SHC4: variants seen among roughly 807,000 people sequenced by gnomAD.
SHC4 encodes the protein SHC-transforming protein 4.
A neutral mutation model predicts 69.4 loss-of-function variants in SHC4; 41 were observed. The observed-to-expected ratio is 0.59, with a 90% CI of 0.46 to 0.77. SHC4 has a LOEUF of 0.77. Ranked by LOEUF, SHC4 falls within the 30% of genes least tolerant of loss-of-function variation. The pLI is 0.00. For synonymous variants in SHC4, 318 were observed against 299.3 expected (o/e 1.06, Z -0.64); for missense variants, 777 against 783.8 (o/e 0.99, Z 0.10).
At chr15:48,890,043 G>A (rs1900107518) in intron 3 of SHC4, among the ~76,000 whole-genome samples, 1 of 152,234 alleles carries the variant, frequency 6.6e-6, no homozygotes, top group African/African-American at 2.4e-5. Flanking sequence ...GCCAGACGCT[G>A]TGGTAGATAG....
At chr15:48,923,053 G>C (rs773062169) in intron 2 of SHC4, among the ~76,000 whole-genome samples, 21 of 152,104 alleles carry the variant, frequency 1.4e-4, no homozygotes, top group Non-Finnish European at 2.9e-5. Context: ...TAGGTACCAA[G>C]AGTACAAAAA....
chr15:48,857,651 T>C (rs759373943), intron 7 of SHC4, 41 bp downstream of exon 7: 38 of 1,426,526 alleles, frequency 2.7e-5, no homozygotes, highest in African/African-American at 1.9e-4. Flanking sequence ...AATGCACACA[T>C]ATATATATAT....
intron 5 of SHC4, among the ~76,000 whole-genome samples, chr15:48,869,805 G>A (rs74516207): frequency 0.052 from 7,883 of 152,162 alleles, 378 homozygotes; most frequent in East Asian, 0.22. Flanking sequence ...CCATGGCACC[G>A]CCGCCAGATT....
At chr15:48,840,768 G>C (rs188182786) in intron 10 of SHC4, among the ~76,000 whole-genome samples, 4 of 152,182 alleles carry the variant, frequency 2.6e-5, no homozygotes, top group African/African-American at 9.6e-5. Flanking sequence ...ATTTATTTTG[G>C]AGGGAGCAAT....
chr15:48,878,297 T>C (rs1306756618), intron 4 of SHC4: 1 of 1,613,750 alleles, frequency 6.2e-7, no homozygotes, highest in Admixed American at 1.7e-5. Context: ...CCGGGAGCTA[T>C]CCCTGCGTCC....
chr15:48,901,201 G>A (rs1332620278), intron 2 of SHC4, among the ~76,000 whole-genome samples: 1 of 152,166 alleles, frequency 6.6e-6, no homozygotes, highest in East Asian at 1.9e-4. Flanking sequence ...GTAGCAGGTG[G>A]GATTTGGCCT....
At chr15:48,865,274 C>T (rs1899538114) in intron 6 of SHC4, among the ~76,000 whole-genome samples, 1 of 152,152 alleles carries the variant, frequency 6.6e-6, no homozygotes, top group South Asian at 2.1e-4. Context: ...AAAGATTTAG[C>T]ACTAGAGGAC....
At chr15:48,826,396 G>A (rs1005809768) in intron 11 of SHC4, among the ~76,000 whole-genome samples, 1 of 151,770 alleles carries the variant, frequency 6.6e-6, no homozygotes, top group Admixed American at 6.6e-5. Context: ...CTACAGGCAC[G>A]TGCCACCATG....
At position 48,856,299 on chromosome 15, in the gene SHC4, T is replaced by C. The variant is rs140709737; in HGVS notation, c.1071-175A>G. ...GGATGGGAGCAGTCAGATGGTTGAG[T>C]TGTTTAGCTTTCTGTAGACAAAACG... On this transcript the variant is annotated intron_variant, in intron 7 of 11. Coordinates refer to ENST00000332408, the MANE Select transcript of SHC4 (RefSeq NM_203349.4). Among the ~76,000 whole-genome samples, 747 of 152,264 alleles carry C rather than the reference T, an allele frequency of 4.9e-3. 5 individuals are homozygous for C. Among genetic ancestry groups the C allele is most frequent in the African/African-American group, 0.017 (713 of 41,552 alleles).
chr15:48,878,561 G>C lies in SHC4; in HGVS notation c.840+5687C>G, dbSNP rs1336241834. On this transcript the variant is annotated intron_variant, in intron 4 of 11. Coordinates refer to ENST00000332408, the MANE Select transcript of SHC4 (RefSeq NM_203349.4). ...CGGCTACAGAGTATCAGCCGCTCTT[G>C]AAGAAGCCGACAAGATGTTTCTGAG... 17 of 1,614,064 alleles carry C rather than the reference G, an allele frequency of 1.1e-5. No individual in the cohort carries two copies. The highest frequency in any genetic ancestry group is 1.4e-5 in the Non-Finnish European group (17 of 1,179,902).
intron 10 of SHC4, among the ~76,000 whole-genome samples, chr15:48,837,332 G>A (rs1056778675): frequency 6.6e-6 from 1 of 152,144 alleles, no homozygotes; most frequent in African/African-American, 2.4e-5. Context: ...ATCTGATTCT[G>A]CCAGAATAGA....
intron 3 of SHC4, 65 bp from the exon 4 acceptor site, chr15:48,884,432 G>A (rs1899998124): frequency 7.1e-7 from 1 of 1,402,714 alleles, no homozygotes; most frequent in Non-Finnish European, 9.4e-7. Context: ...AAATGTTAAT[G>A]TTTTTTAAAT....
chr15:48,916,682 G>A (rs561613534), intron 2 of SHC4, among the ~76,000 whole-genome samples: 44 of 152,102 alleles, frequency 2.9e-4, no homozygotes, highest in Admixed American at 2.6e-3. Context: ...ACCTCAAAAC[G>A]GAGCACTCAC....
chr15:48,961,373 C>G (rs1294519555), intron 1 of SHC4, among the ~76,000 whole-genome samples: 2 of 152,202 alleles, frequency 1.3e-5, no homozygotes, highest in Non-Finnish European at 2.9e-5. Context: ...TGTCTTTATT[C>G]AACTCATACT....
intron 1 of SHC4, among the ~76,000 whole-genome samples, chr15:48,945,574 T>TG (rs777487715): frequency 3.2e-4 from 48 of 152,294 alleles, no homozygotes; most frequent in Non-Finnish European, 5.7e-4. Flanking sequence ...TACAACATGA[T>TG]GAATCTTGAA....
intron 4 of SHC4, chr15:48,878,090 G>A: frequency 1.3e-6 from 2 of 1,489,280 alleles, no homozygotes; most frequent in South Asian, 2.8e-5. Context: ...ACGCAAGCGC[G>A]CAGCCTTTGC....
intron 1 of SHC4, among the ~76,000 whole-genome samples, chr15:48,932,847 T>C (rs1182120734): frequency 6.6e-6 from 1 of 152,186 alleles, no homozygotes; most frequent in Admixed American, 6.6e-5. Flanking sequence ...ATGGTGTCTG[T>C]TTCTTCTTTG....
At chr15:48,850,539 A>G (rs1183768864) in intron 9 of SHC4, among the ~76,000 whole-genome samples, 1 of 152,232 alleles carries the variant, frequency 6.6e-6, no homozygotes, top group Admixed American at 6.5e-5. Flanking sequence ...CTAAAACTGC[A>G]AAACTTTCCT....
intron 2 of SHC4, among the ~76,000 whole-genome samples, chr15:48,894,531 A>G (rs1272606526): frequency 6.6e-6 from 1 of 152,184 alleles, no homozygotes; most frequent in Non-Finnish European, 1.5e-5. Context: ...TGTTATGGAT[A>G]CTAACAGATG....
Sources: allele counts gnomAD v4.1 joint callset (sites outside exome capture counted in the v4.1 genomes callset), GRCh38; gene constraint gnomAD v4.1.1; transcripts MANE v1.5; gene names NCBI Gene and HGNC (gene_info 2026-07-23, HGNC 2026-07-21).